The following EPM2A variants were observed in gnomAD, a reference collection of about 807,000 sequenced individuals.
EPM2A encodes the protein EPM2A glucan phosphatase, laforin.
EPM2A carries 21 observed loss-of-function variants against 26.5 expected under a neutral mutation model. The ratio of observed to expected loss-of-function variants is 0.79; its 90% CI spans 0.56 to 1.14. EPM2A has a LOEUF of 1.14. Ranked by LOEUF, EPM2A falls within the 50% of genes most tolerant of loss-of-function variation. EPM2A has a pLI of 0.00. For missense variants in EPM2A, 458 were observed against 440.8 expected (o/e 1.04, Z -0.35); for synonymous variants, 217 against 177.6 (o/e 1.22, Z -1.76).
intron 2 of EPM2A, among the ~76,000 whole-genome samples, chr6:145,512,276 A>AT (rs1486266910): frequency 6.6e-6 from 1 of 152,228 alleles, no homozygotes; most frequent in Non-Finnish European, 1.5e-5. Flanking sequence ...ACCAAAAAAT[A>AT]GCCTGAATTG....
intron 3 of EPM2A, among the ~76,000 whole-genome samples, chr6:145,632,946 C>A (rs1195884953): frequency 6.6e-6 from 1 of 152,168 alleles, no homozygotes; most frequent in African/African-American, 2.4e-5. Flanking sequence ...TTTTGCAGCT[C>A]AAATGCCACT....
chr6:145,555,907 T>C (rs1348584299), intron 2 of EPM2A, among the ~76,000 whole-genome samples: 1 of 152,126 alleles, frequency 6.6e-6, no homozygotes, highest in Admixed American at 6.6e-5. Context: ...CTCAAACTTA[T>C]GCCTACCTAA....
At chr6:145,719,504 G>T (rs984715281) in intron 1 of EPM2A, among the ~76,000 whole-genome samples, 4 of 151,360 alleles carry the variant, frequency 2.6e-5, no homozygotes, top group Non-Finnish European at 5.9e-5. Flanking sequence ...GATAGCATTG[G>T]AAGATATACC....
chr6:145,495,646 C>A (rs1779807931), intron 4 of EPM2A, among the ~76,000 whole-genome samples: 1 of 152,148 alleles, frequency 6.6e-6, no homozygotes, highest in African/African-American at 2.4e-5. Context: ...GACACAATCT[C>A]AGCTCACTGC....
At chr6:145,630,873 T>C (rs1776196892) in intron 3 of EPM2A, 1 of 152,214 alleles carries the variant, frequency 6.6e-6, no homozygotes, top group South Asian at 2.1e-4. Context: ...TATGAACAAA[T>C]TGAGCACAGA....
chr6:145,560,389 C>T lies in EPM2A; in HGVS notation c.341-57814G>A, dbSNP rs117695596. ...GGAATATTCAAATAAATTTGTAAAT[C>T]AGGGGTGAACAAATTTCTTCTGTAA... On this transcript the variant is annotated intron_variant, in intron 2 of 3. Coordinates refer to the EPM2A transcript ENST00000450221. Among the ~76,000 whole-genome samples, 57 of 152,086 alleles carry T rather than the reference C, an allele frequency of 3.7e-4. 1 individual carries two copies. The East Asian group carries it at 9.3e-3, about 25-fold the overall frequency.
intron 2 of EPM2A, among the ~76,000 whole-genome samples, chr6:145,540,359 C>G (rs78348301): frequency 0.015 from 2,247 of 152,234 alleles, 47 homozygotes; most frequent in East Asian, 0.084. Context: ...TTGGGTTGAG[C>G]CAAAATTACT....
At chr6:145,583,741 T>A (rs2114839004) in intron 2 of EPM2A, among the ~76,000 whole-genome samples, 1 of 152,348 alleles carries the variant, frequency 6.6e-6, no homozygotes, top group Non-Finnish European at 1.5e-5. Flanking sequence ...ATGCATGCAT[T>A]CACAGTGGTG....
At chr6:145,592,076 AT>A (rs1445101020) in intron 2 of EPM2A, among the ~76,000 whole-genome samples, 19 of 151,754 alleles carry the variant, frequency 1.3e-4, no homozygotes, top group Non-Finnish European at 2.4e-4. Context: ...TTTGTTACAT[AT>A]GTATACATGT....
chr6:145,727,104 A>G (rs965857409), intron 1 of EPM2A, among the ~76,000 whole-genome samples: 1 of 152,166 alleles, frequency 6.6e-6, no homozygotes, highest in African/African-American at 2.4e-5. Context: ...AAGCTCAGCT[A>G]TGGTTACTCA....
intron 1 of EPM2A, among the ~76,000 whole-genome samples, chr6:145,704,595 T>C (rs9485018): frequency 0.53 from 81,028 of 152,024 alleles, 22,240 homozygotes; most frequent in East Asian, 0.67. Context: ...CCTATACTTA[T>C]ACAGCAAAGC....
At chr6:145,517,858 AT>A (rs1405548349) in intron 2 of EPM2A, among the ~76,000 whole-genome samples, 1 of 152,200 alleles carries the variant, frequency 6.6e-6, no homozygotes, top group Non-Finnish European at 1.5e-5. Context: ...CTCCAATAAT[AT>A]CACGTGCTAC....
chr6:145,627,249 C>T lies in EPM2A; in HGVS notation c.*167G>A, dbSNP rs62438250. The T allele has an allele frequency of 2.6e-6, 4 of 1,522,860 alleles. No individual in the cohort carries two copies. The highest frequency in any genetic ancestry group is 3.5e-6 in the Non-Finnish European group (4 of 1,147,410). The allele number at this position is 1,522,860 out of a possible 1,614,324, so 94.3% of individuals were successfully genotyped here. A position where few individuals can be genotyped will look rare whatever the true frequency, so the allele number is the denominator to read the frequency against. ...CTTGTAGAGTATTTCAAAAATACAGCCCCAAAACAAAGCATAATCGAAAGT... is the reference window on the plus strand; with the variant it reads ...CTTGTAGAGTATTTCAAAAATACAGTCCCAAAACAAAGCATAATCGAAAGT... On this transcript the variant is annotated 3_prime_UTR_variant, in exon 4 of 4. Coordinates refer to ENST00000367519, the MANE Select transcript of EPM2A (RefSeq NM_005670.4).
chr6:145,472,631 C>G (rs1447723215), intron 4 of EPM2A, among the ~76,000 whole-genome samples: 1 of 152,096 alleles, frequency 6.6e-6, no homozygotes, highest in Non-Finnish European at 1.5e-5. Flanking sequence ...TCTGGCAGTA[C>G]TCCTCATGGC....
intron 1 of EPM2A, among the ~76,000 whole-genome samples, chr6:145,709,455 G>C (rs949732343): frequency 2.6e-5 from 4 of 152,076 alleles, no homozygotes; most frequent in Non-Finnish European, 5.9e-5. Context: ...TTTTATAAAG[G>C]GGAGTTCTCC....
chr6:145,723,509 CA>C (rs1420156175), intron 1 of EPM2A, among the ~76,000 whole-genome samples: 3 of 151,992 alleles, frequency 2.0e-5, no homozygotes, highest in Middle Eastern at 3.4e-3. Flanking sequence ...TATTATTTTG[CA>C]AAAAATTTAA....
intron 2 of EPM2A, among the ~76,000 whole-genome samples, chr6:145,567,008 A>G (rs1582859571): frequency 6.6e-6 from 1 of 152,222 alleles, no homozygotes; most frequent in South Asian, 2.1e-4. Flanking sequence ...TGCACTTGCC[A>G]TAAACCCGTC....
chr6:145,495,421 A>G (rs1779804685), intron 4 of EPM2A, among the ~76,000 whole-genome samples: 2 of 151,428 alleles, frequency 1.3e-5, no homozygotes, highest in Non-Finnish European at 2.9e-5. Context: ...CAACATACTG[A>G]TGGGTCTTGG....
intron 1 of EPM2A, among the ~76,000 whole-genome samples, chr6:145,717,925 C>T (rs1226188822): frequency 1.3e-5 from 2 of 151,580 alleles, no homozygotes; most frequent in South Asian, 2.1e-4. Flanking sequence ...TGTGAAGGAC[C>T]TCTTCAAGGA....
Sources: allele counts gnomAD v4.1 joint callset (sites outside exome capture counted in the v4.1 genomes callset), GRCh38; gene constraint gnomAD v4.1.1; transcripts MANE v1.5; gene names NCBI Gene and HGNC (gene_info 2026-07-23, HGNC 2026-07-21).